The following DGKI variants were observed in gnomAD, a reference collection of about 807,000 sequenced individuals.
The protein encoded by DGKI is diacylglycerol kinase iota.
Under a neutral mutation model 147.5 loss-of-function variants are expected in DGKI, and 55 were observed. That is an observed-to-expected ratio of 0.37 (90% CI 0.30 to 0.47). The LOEUF is 0.47. Ranked by LOEUF, DGKI falls within the 20% of genes least tolerant of loss-of-function variation. DGKI has a pLI of 1.00. For synonymous variants in DGKI, 469 were observed against 477.1 expected, an observed-to-expected ratio of 0.98 and a Z score of 0.22; for missense variants, 1,007 against 1,323.8, an observed-to-expected ratio of 0.76 and a Z score of 3.71.
chr7:137,456,304 T>C (rs926607846), intron 27 of DGKI, among the ~76,000 whole-genome samples: 7 of 152,206 alleles, frequency 4.6e-5, no homozygotes, highest in African/African-American at 1.4e-4. Flanking sequence ...ACAAAAATGG[T>C]CAACATTTTA....
intron 21 of DGKI, among the ~76,000 whole-genome samples, chr7:137,516,757 T>C (rs1363811697): frequency 6.6e-6 from 1 of 152,056 alleles, no homozygotes; most frequent in African/African-American, 2.4e-5. Context: ...TTATTGAAAG[T>C]ATGAATGCAT....
intron 28 of DGKI, among the ~76,000 whole-genome samples, chr7:137,428,431 C>T (rs1812913475): frequency 6.6e-6 from 1 of 152,064 alleles, no homozygotes; most frequent in South Asian, 2.1e-4. Flanking sequence ...TATGACAAAC[C>T]CACAGCCAAT....
chr7:137,835,570 C>T (rs1798352138), intron 1 of DGKI, among the ~76,000 whole-genome samples: 1 of 152,142 alleles, frequency 6.6e-6, no homozygotes, highest in African/African-American at 2.4e-5. Flanking sequence ...CTGACTCTAT[C>T]TCTACCTGTT....
intron 5 of DGKI, among the ~76,000 whole-genome samples, chr7:137,649,185 CAT>C (rs1396969076): frequency 6.6e-6 from 1 of 152,150 alleles, no homozygotes; most frequent in African/African-American, 2.4e-5. Flanking sequence ...GATTAAATCA[CAT>C]AGTTACCATG....
Position 137,382,933 on chromosome 7 carries a change from C to A in DGKI, c.*8287G>T, listed in dbSNP as rs1811092743. 6.6e-6 allele frequency: 1 copy of A among 151,992 alleles called. No individual in the cohort carries two copies. Among genetic ancestry groups the A allele is most frequent in the Admixed American group, 6.6e-5 (1 of 15,246 alleles). The allele number at this position is 151,992 out of a possible 1,614,324, so 9.4% of individuals were successfully genotyped here. ...GATGATGGGCAATTAAAACTGTAATCCACCTAGACAGAAATATGACAGAAA... is the reference window on the plus strand; with the variant it reads ...GATGATGGGCAATTAAAACTGTAATACACCTAGACAGAAATATGACAGAAA... On this transcript the variant is annotated 3_prime_UTR_variant, in exon 33 of 33. Coordinates refer to ENST00000614521, the MANE Select transcript of DGKI (RefSeq NM_001321708.2).
intron 1 of DGKI, among the ~76,000 whole-genome samples, chr7:137,783,355 TCAAA>T (rs1796577421): frequency 6.6e-6 from 1 of 151,992 alleles, no homozygotes; most frequent in Admixed American, 6.5e-5. Context: ...AGCAATAGAA[TCAAA>T]CAAACAGAAG....
chr7:137,658,249 G>C (rs894331473), intron 3 of DGKI, among the ~76,000 whole-genome samples: 1 of 152,074 alleles, frequency 6.6e-6, no homozygotes, highest in Non-Finnish European at 1.5e-5. Flanking sequence ...GCAATCAAAA[G>C]GACAATCAAA....
intron 1 of DGKI, among the ~76,000 whole-genome samples, chr7:137,752,374 C>T (rs950476312): frequency 3.8e-4 from 58 of 152,124 alleles, no homozygotes; most frequent in Non-Finnish European, 4.4e-5. Flanking sequence ...TATTTATAAA[C>T]TTCAGTTTTT....
chr7:137,410,666 T>G (rs562412982), intron 29 of DGKI, among the ~76,000 whole-genome samples: 1 of 152,252 alleles, frequency 6.6e-6, no homozygotes, highest in African/African-American at 2.4e-5. Context: ...ATCAGTTGCC[T>G]GAACTAAAAG....
chr7:137,727,029 C>T (rs1256832141), intron 1 of DGKI, among the ~76,000 whole-genome samples: 1 of 151,858 alleles, frequency 6.6e-6, no homozygotes, highest in Non-Finnish European at 1.5e-5. Flanking sequence ...GTTAAGGATG[C>T]CGTTGTTTTC....
intron 1 of DGKI, among the ~76,000 whole-genome samples, chr7:137,833,595 C>T (rs1205097930): frequency 6.6e-6 from 1 of 152,170 alleles, no homozygotes; most frequent in Non-Finnish European, 1.5e-5. Flanking sequence ...ACAACCTATG[C>T]TTTGAATAAA....
At chr7:137,487,175 T>C (rs943513878) in intron 22 of DGKI, among the ~76,000 whole-genome samples, 1 of 152,138 alleles carries the variant, frequency 6.6e-6, no homozygotes, top group Non-Finnish European at 1.5e-5. Flanking sequence ...CTATGAGATG[T>C]AGAGGATTTT....
rs1274123233 is a variant in DGKI at position 137,846,881 on chromosome 7, G to C, written c.-19C>G. The C allele has an allele frequency of 2.6e-6, 3 of 1,153,142 alleles. No homozygotes were observed. Among genetic ancestry groups the C allele is most frequent in the Non-Finnish European group, 3.2e-6 (3 of 936,426 alleles). The allele number at this position is 1,153,142 out of a possible 1,614,324, so 71.4% of individuals were successfully genotyped here. A position where few individuals can be genotyped will look rare whatever the true frequency, so the allele number is the denominator to read the frequency against. On this transcript the variant is annotated 5_prime_UTR_variant, in exon 1 of 33. Transcript: ENST00000614521. This position sits in a 1 kb window ranked among gnomAD's most constrained non-coding sequence, Gnocchi z 4.0. ...CATCCATCCGCGGCTGCACCGCACC[G>C]GGGCATTGTGGGAAACTCCGCTCAC... is the stretch of plus-strand genomic sequence containing the variant.
intron 30 of DGKI, 109 bp from the exon 31 acceptor site, chr7:137,397,522 GA>G (rs763090076): frequency 9.6e-5 from 99 of 1,029,282 alleles, no homozygotes; most frequent in Non-Finnish European, 1.4e-4. Flanking sequence ...TAAATTTGGG[GA>G]TAGGAATAAT....
chr7:137,520,114 T>C lies in DGKI; in HGVS notation c.2248+1752A>G, dbSNP rs533978271. Among the ~76,000 whole-genome samples, 5 of 152,192 alleles carry C rather than the reference T, an allele frequency of 3.3e-5. No homozygotes were observed. In the South Asian group the frequency reaches 6.2e-4, roughly 19 times the overall value. ...AAACCACAATTACCTCCAGGAATGG[T>C]AGACAGATAATGCCACAGAAAAGAT... is the stretch of plus-strand genomic sequence containing the variant. On this transcript the variant is annotated intron_variant, in intron 21 of 32. Coordinates refer to ENST00000614521, the MANE Select transcript of DGKI (RefSeq NM_001321708.2).
intron 1 of DGKI, among the ~76,000 whole-genome samples, chr7:137,696,445 T>A (rs1436433566): frequency 1.6e-5 from 2 of 123,156 alleles, no homozygotes; most frequent in Non-Finnish European, 3.5e-5. Flanking sequence ...TTTTTTTTTT[T>A]TTTTTTTTTT....
At chr7:137,524,813 G>A (rs1817085123) in intron 20 of DGKI, among the ~76,000 whole-genome samples, 1 of 152,116 alleles carries the variant, frequency 6.6e-6, no homozygotes, top group Non-Finnish European at 1.5e-5. Context: ...TCTCTACTGG[G>A]CTGGAGGTAT....
chr7:137,555,168 C>A (rs1818181980), intron 19 of DGKI, among the ~76,000 whole-genome samples: 1 of 150,874 alleles, frequency 6.6e-6, no homozygotes, highest in African/African-American at 2.4e-5. Context: ...CCCGCCTCGG[C>A]CTCCCAAAGT....
At chr7:137,757,761 C>T (rs1018768225) in intron 1 of DGKI, among the ~76,000 whole-genome samples, 1 of 152,186 alleles carries the variant, frequency 6.6e-6, no homozygotes, top group Non-Finnish European at 1.5e-5. Flanking sequence ...GCCGGTTCCC[C>T]AAGGCACTGG....
Sources: allele counts gnomAD v4.1 joint callset (sites outside exome capture counted in the v4.1 genomes callset), GRCh38; gene constraint gnomAD v4.1.1; non-coding constraint Gnocchi (gnomAD v3.1); transcripts MANE v1.5; gene names NCBI Gene and HGNC (gene_info 2026-07-23, HGNC 2026-07-21).